The following GLIS3 variants were observed in gnomAD, a reference collection of about 807,000 sequenced individuals.
GLIS3 encodes zinc finger protein GLIS3.
GLIS3 carries 53 observed loss-of-function variants against 78.6 expected under a neutral mutation model. The ratio of observed to expected loss-of-function variants is 0.67; its 90% CI spans 0.54 to 0.85. GLIS3 has a LOEUF of 0.85. Among genes scored for constraint, GLIS3 ranks in the 40% least tolerant of loss-of-function variants. The probability of loss-of-function intolerance (pLI) is 0.00; values close to 1 mark genes in which losing one functional copy is unlikely to be tolerated. For missense variants in GLIS3, 1,703 were observed against 1,231.1 expected (o/e 1.38, Z -5.74); for synonymous variants, 684 against 509.9 (o/e 1.34, Z -4.60).
chr9:4,474,295 C>G, the GLIS3 span, among the ~76,000 whole-genome samples: 1 of 152,170 alleles, frequency 6.6e-6, no homozygotes, highest in African/African-American at 2.4e-5. Context: ...TGCTTGAGCT[C>G]AGAAGTTCAA....
intron 2 of GLIS3, among the ~76,000 whole-genome samples, chr9:4,167,576 T>A (rs1049395528): frequency 6.6e-6 from 1 of 152,152 alleles, no homozygotes; most frequent in African/African-American, 2.4e-5. Flanking sequence ...GCCCAATATA[T>A]GCTTGCTGAA....
intron 4 of GLIS3, among the ~76,000 whole-genome samples, chr9:4,014,035 A>C (rs1371765395): frequency 1.3e-5 from 2 of 152,172 alleles, no homozygotes; most frequent in Non-Finnish European, 1.5e-5. Context: ...TGAAAAATGA[A>C]AGGCAGACAA....
rs757429318 is a variant in GLIS3, at chr9:4,118,542, G to A, written c.936C>T (p.Ile312=). ...GGATGATGGTATTGAAATCTATCCC[G>A]ATGCCATCGGACAGCGGGGACAAGG... ...ALSLSPLSDG[I]GIDFNTIIRT... Residue 312 remains isoleucine, a synonymous_variant, in exon 4 of 11, where the codon ATC becomes ATT. Coordinates refer to ENST00000381971, the MANE Select transcript of GLIS3 (RefSeq NM_001042413.2). The surrounding 1 kb of genome is among the most constrained non-coding windows in gnomAD (Gnocchi z 4.7). 6.8e-6 allele frequency: 11 copies of A among 1,614,120 alleles called. No homozygotes were observed. The highest frequency in any genetic ancestry group is 5.3e-5 in the African/African-American group (4 of 74,954).
At chr9:4,037,761 C>T (rs945259045) in intron 4 of GLIS3, among the ~76,000 whole-genome samples, 4 of 152,168 alleles carry the variant, frequency 2.6e-5, no homozygotes, top group African/African-American at 9.7e-5. Flanking sequence ...CCCTTATGGT[C>T]ACTTAATTAA....
Position 4,335,287 on chromosome 9 carries a change from G to T in GLIS3, n.264+11794C>A, listed in dbSNP as rs145624353. 2.5e-3 allele frequency among the ~76,000 whole-genome samples: 379 copies of T among 152,224 alleles called. 3 individuals carry two copies. The highest frequency in any genetic ancestry group is 8.7e-3 in the African/African-American group (363 of 41,528). ...AAGCATAAGAAATAACTCCAGTGAC[G>T]ATCAAAGTCTATACCACAAAGTGAA... is the stretch of plus-strand genomic sequence containing the variant. On this transcript the variant is annotated intron_variant and non_coding_transcript_variant, in intron 2 of 4. Transcript: ENST00000471664.
chr9:4,429,519 G>C, the GLIS3 span, among the ~76,000 whole-genome samples: 8 of 152,120 alleles, frequency 5.3e-5, no homozygotes, highest in Non-Finnish European at 1.2e-4. Context: ...CAAGAGCCTT[G>C]TCTGACCCCC....
intron 4 of GLIS3, among the ~76,000 whole-genome samples, chr9:3,958,316 T>G (rs572919377): frequency 6.6e-6 from 1 of 152,208 alleles, no homozygotes; most frequent in Non-Finnish European, 1.5e-5. Context: ...GCATGTGCTA[T>G]GCCATGGGCC....
At chr9:4,210,838 T>C (rs983851495) in intron 2 of GLIS3, among the ~76,000 whole-genome samples, 3 of 152,246 alleles carry the variant, frequency 2.0e-5, no homozygotes, top group African/African-American at 4.8e-5. Flanking sequence ...GGGCTTTCTC[T>C]TGTCCCCCAA....
At chr9:4,024,771 A>G (rs1588476798) in intron 4 of GLIS3, among the ~76,000 whole-genome samples, 1 of 152,170 alleles carries the variant, frequency 6.6e-6, no homozygotes, top group South Asian at 2.1e-4. Context: ...AATTGTCACA[A>G]TCTTTCCCAA....
Position 3,965,448 on chromosome 9 carries a change from C to T in GLIS3, c.1711-28259G>A, listed in dbSNP as rs373159344. ...ACCTCAGGTGATCTGCCCGCCTCAG[C>T]CTCCCAAAGCGCTGGGATTACAGGC... On this transcript the variant is annotated intron_variant, in intron 4 of 10. Transcript: ENST00000381971. 2.8e-4 allele frequency among the ~76,000 whole-genome samples: 42 copies of T among 152,284 alleles called. 1 individual carries two copies. In the East Asian group the frequency reaches 3.9e-3, roughly 14 times the overall value.
intron 4 of GLIS3, among the ~76,000 whole-genome samples, chr9:4,067,321 C>T (rs1241787641): frequency 1.3e-5 from 2 of 151,626 alleles, no homozygotes; most frequent in African/African-American, 4.8e-5. Flanking sequence ...AAATTCTTAA[C>T]AATACTTTAT....
chr9:4,179,222 C>A (rs1379955911), intron 2 of GLIS3, among the ~76,000 whole-genome samples: 1 of 152,164 alleles, frequency 6.6e-6, no homozygotes, highest in African/African-American at 2.4e-5. Context: ...AACTTATTAG[C>A]AATTTGAAAG....
chr9:3,980,787 G>A (rs4741872), intron 4 of GLIS3, among the ~76,000 whole-genome samples: 1 of 152,122 alleles, frequency 6.6e-6, no homozygotes, highest in Non-Finnish European at 1.5e-5. Flanking sequence ...TCACTGTCCA[G>A]TTCTGCCTTC....
intron 2 of GLIS3, chr9:4,147,721 T>C (rs1190965937): frequency 6.6e-6 from 1 of 151,942 alleles, no homozygotes; most frequent in South Asian, 2.1e-4. Context: ...CGAACAATAC[T>C]TGGGCAGGTC....
chr9:3,983,329 C>G (rs2129640146), intron 4 of GLIS3, among the ~76,000 whole-genome samples: 1 of 152,258 alleles, frequency 6.6e-6, no homozygotes, highest in African/African-American at 2.4e-5. Flanking sequence ...TCCATTAAAC[C>G]TCTTCTGTAA....
At chr9:4,408,821 C>T in the GLIS3 span, among the ~76,000 whole-genome samples, 1 of 149,526 alleles carries the variant, frequency 6.7e-6, no homozygotes, top group African/African-American at 2.5e-5. Context: ...TTTAATTGTA[C>T]ATCTTAAAAT....
intron 2 of GLIS3, among the ~76,000 whole-genome samples, chr9:4,235,356 G>T (rs540131881): frequency 1.3e-5 from 2 of 151,340 alleles, no homozygotes; most frequent in Admixed American, 1.3e-4. Context: ...GTTGGGGAGG[G>T]TCTCCTGAAA....
At chr9:4,256,877 T>C (rs1288187053) in intron 2 of GLIS3, among the ~76,000 whole-genome samples, 1 of 152,194 alleles carries the variant, frequency 6.6e-6, no homozygotes, top group Non-Finnish European at 1.5e-5. Context: ...ATCACTGTCT[T>C]GTAAAGATAT....
chr9:4,325,321 GT>G (rs1322379356), intron 2 of GLIS3, among the ~76,000 whole-genome samples: 1 of 152,188 alleles, frequency 6.6e-6, no homozygotes, highest in Non-Finnish European at 1.5e-5. Flanking sequence ...CTTAAAAAGG[GT>G]AGAGTACCCC....
Sources: gnomAD v4.1 joint callset for allele counts (sites outside exome capture counted in the v4.1 genomes callset) on GRCh38, gnomAD v4.1.1 for gene constraint, Gnocchi (gnomAD v3.1) non-coding constraint, MANE v1.5 for transcripts, NCBI Gene and HGNC (gene_info 2026-07-23, HGNC 2026-07-21) for gene names.